Variants in DACH2 observed in about 807,000 individuals in gnomAD.
DACH2 encodes dachshund family transcription factor 2, also known as dachshund homolog 2.
Under a neutral mutation model 35.8 loss-of-function variants are expected in DACH2, and 17 were observed. That is an observed-to-expected ratio of 0.48 (90% CI 0.33 to 0.71). The LOEUF is 0.71. Among genes scored for constraint, DACH2 ranks in the 30% least tolerant of loss-of-function variants. The pLI, the probability that DACH2 is intolerant of heterozygous loss-of-function variation, is 0.02. For missense variants in DACH2, 469 were observed against 472.7 expected (o/e 0.99, Z 0.07); for synonymous variants, 195 against 177.3 (o/e 1.10, Z -0.79).
chrX:86,546,320 T>TTTCTTCTTCTTCTTCCTCTTC (rs1569435553), intron 3 of DACH2, among the ~76,000 whole-genome samples: 1 of 78,997 alleles, frequency 1.3e-5, no homozygotes, highest in African/African-American at 4.4e-5. Context: ...CTCCTACCTC[T>TTTCTTCTTCTTCTTCCTCTTC]TTCTTCTTCT....
intron 3 of DACH2, among the ~76,000 whole-genome samples, chrX:86,560,744 C>T (rs1403899182): frequency 1.4e-5 from 1 of 69,649 alleles, no homozygotes; most frequent in African/African-American, 5.6e-5. Flanking sequence ...ATACAAAAAT[C>T]AATTCAAGAT....
At chrX:86,432,637 C>T (rs1218635709) in intron 2 of DACH2, among the ~76,000 whole-genome samples, 1 of 111,913 alleles carries the variant, frequency 8.9e-6, no homozygotes, top group Non-Finnish European at 1.9e-5. Flanking sequence ...GCATTGGAGA[C>T]TCAAATGATG....
At chrX:86,424,779 C>T (rs756386713) in intron 2 of DACH2, among the ~76,000 whole-genome samples, 7 of 111,244 alleles carry the variant, frequency 6.3e-5, no homozygotes, top group Admixed American at 3.8e-4. Context: ...AAAAGGCTTT[C>T]GGTTTTTCCC....
At chrX:86,421,227 G>A (rs1602500958) in intron 2 of DACH2, among the ~76,000 whole-genome samples, 1 of 111,692 alleles carries the variant, frequency 9.0e-6, no homozygotes, top group Admixed American at 9.5e-5. Flanking sequence ...TTTCATTTAT[G>A]CATCCAGCAA....
At chrX:86,774,339 T>C (rs2042012017) in intron 7 of DACH2, among the ~76,000 whole-genome samples, 1 of 112,215 alleles carries the variant, frequency 8.9e-6, no homozygotes, top group Non-Finnish European at 1.9e-5. Context: ...TTTCCTTTCA[T>C]CTGTTGAAAT....
intron 2 of DACH2, among the ~76,000 whole-genome samples, chrX:86,420,618 A>G (rs2036786386): frequency 8.9e-6 from 1 of 111,786 alleles, no homozygotes; most frequent in African/African-American, 3.2e-5. Context: ...GTATAATTAC[A>G]TTACAGAAAA....
chrX:86,728,608 A>T lies in DACH2; in HGVS notation c.1105-11139A>T, dbSNP rs2041497382. ...TCACAAGCCTAGAGGCCTAGGAGGG[A>T]AGAATTATTTCTTGGGCCAGGCCCA... On this transcript the variant is annotated intron_variant, in intron 6 of 11. Transcript: ENST00000373125. 2.7e-5 allele frequency among the ~76,000 whole-genome samples: 3 copies of T among 112,412 alleles called. No individual in the cohort carries two copies. In the Admixed American group the frequency reaches 2.8e-4, roughly 11 times the overall value.
intron 3 of DACH2, among the ~76,000 whole-genome samples, chrX:86,596,681 C>T (rs2039716770): frequency 9.0e-6 from 1 of 111,316 alleles, no homozygotes; most frequent in Non-Finnish European, 1.9e-5. Context: ...GTCTTTTTAA[C>T]TCTCTTGATA....
In DACH2 at chrX:86,417,070, T is replaced by A. The variant is rs185992077; in HGVS notation, c.527+40208T>A. 2.9e-4 allele frequency among the ~76,000 whole-genome samples: 23 copies of A among 78,108 alleles called. No individual in the cohort carries two copies. In the East Asian group the frequency reaches 4.0e-3, roughly 14 times the overall value. 67.8% of individuals were successfully genotyped at this position (78,108 alleles called of 115,157 possible). A position where few individuals can be genotyped will look rare whatever the true frequency, so the allele number is the denominator to read the frequency against. On this transcript the variant is annotated intron_variant, in intron 2 of 11. Transcript: ENST00000373125. ...GATCATGCCACTGCACTCCAGCCTG[T>A]TCAACAGAGACTCCATCTCAAAAAA...
chrX:86,235,367 T>C (rs1455359346), intron 1 of DACH2, among the ~76,000 whole-genome samples: 2 of 112,667 alleles, frequency 1.8e-5, no homozygotes, highest in Admixed American at 9.4e-5. Context: ...CTGACCTCCA[T>C]GTACAGCTAT....
chrX:86,657,372 C>G (rs1284758602), intron 4 of DACH2, among the ~76,000 whole-genome samples: 1 of 110,371 alleles, frequency 9.1e-6, no homozygotes, highest in Non-Finnish European at 1.9e-5. Context: ...AATATACTTA[C>G]CATGTACCCA....
intron 2 of DACH2, among the ~76,000 whole-genome samples, chrX:86,404,837 G>C (rs188833244): frequency 4.5e-5 from 5 of 112,219 alleles, no homozygotes; most frequent in Non-Finnish European, 7.5e-5. Context: ...ACTTCTGCCT[G>C]GATATCCAGG....
rs2032993147 is a variant in DACH2, at chrX:86,233,477, C to T, written c.488+84369C>T. On this transcript the variant is annotated intron_variant, in intron 1 of 11. Transcript: ENST00000373125. ...TTTCAGAGTTACCAAGAATGCAACTCTTTTGGACCATCCATTTAAACTGGT... is the reference window on the plus strand; with the variant it reads ...TTTCAGAGTTACCAAGAATGCAACTTTTTTGGACCATCCATTTAAACTGGT... 2.7e-5 allele frequency among the ~76,000 whole-genome samples: 3 copies of T among 112,306 alleles called. No individual in the cohort carries two copies. The South Asian group carries it at 1.1e-3, about 42-fold the overall frequency.
intron 7 of DACH2, among the ~76,000 whole-genome samples, chrX:86,791,859 G>T (rs763112929): frequency 7.2e-4 from 80 of 111,571 alleles, no homozygotes; most frequent in Admixed American, 2.1e-3. Context: ...TAAGTTCAGG[G>T]GTACAAGTAA....
chrX:86,575,903 A>T (rs759081660), intron 3 of DACH2, among the ~76,000 whole-genome samples: 1 of 112,338 alleles, frequency 8.9e-6, no homozygotes, highest in African/African-American at 3.2e-5. Flanking sequence ...TAAACTGTAG[A>T]TGGAACAATT....
chrX:86,440,357 T>C (rs1461149725), intron 2 of DACH2, among the ~76,000 whole-genome samples: 7 of 111,575 alleles, frequency 6.3e-5, no homozygotes, highest in African/African-American at 2.3e-4. Context: ...TCTCTCATTT[T>C]GTAATGGCCC....
intron 4 of DACH2, among the ~76,000 whole-genome samples, chrX:86,671,972 T>A (rs1036418717): frequency 2.7e-5 from 3 of 111,651 alleles, no homozygotes; most frequent in African/African-American, 9.8e-5. Flanking sequence ...AGGTGTCAGA[T>A]GGAGATGAGG....
chrX:86,573,278 A>G (rs1010393561), intron 3 of DACH2, among the ~76,000 whole-genome samples: 1 of 111,284 alleles, frequency 9.0e-6, no homozygotes, highest in African/African-American at 3.3e-5. Context: ...CACCACTGGT[A>G]GTTTTAATTG....
intron 2 of DACH2, among the ~76,000 whole-genome samples, chrX:86,498,217 T>A (rs953229355): frequency 7.2e-5 from 8 of 111,447 alleles, no homozygotes; most frequent in South Asian, 3.8e-4. Context: ...TCTTTTTTTT[T>A]AAAAGAAGTA....
Sources: gnomAD v4.1 joint callset for allele counts (sites outside exome capture counted in the v4.1 genomes callset) on GRCh38, gnomAD v4.1.1 for gene constraint, MANE v1.5 for transcripts, NCBI Gene and HGNC (gene_info 2026-07-23, HGNC 2026-07-21) for gene names.